Variants in SMCHD1 observed in about 807,000 individuals in gnomAD.
SMCHD1 encodes structural maintenance of chromosomes flexible hinge domain-containing protein 1.
A neutral mutation model predicts 254.7 loss-of-function variants in SMCHD1; 78 were observed. The ratio of observed to expected loss-of-function variants is 0.31; its 90% CI spans 0.26 to 0.37. The LOEUF (loss-of-function observed/expected upper bound fraction) is 0.37, where lower values mean the gene tolerates loss of function less well. Ranked by LOEUF, SMCHD1 falls within the 10% of genes least tolerant of loss-of-function variation. The pLI is 1.00. For missense variants in SMCHD1, 1,840 were observed against 2,408.1 expected, an observed-to-expected ratio of 0.76 and a Z score of 4.94; for synonymous variants, 766 against 794.9, an observed-to-expected ratio of 0.96 and a Z score of 0.61.
intron 29 of SMCHD1, among the ~76,000 whole-genome samples, chr18:2,745,821 A>G (rs1355289190): frequency 1.3e-5 from 2 of 152,210 alleles, no homozygotes; most frequent in Admixed American, 6.5e-5. Context: ...ATAAACTAAT[A>G]TATCAGTCTC....
At chr18:2,759,569 C>T (rs372671682) in intron 34 of SMCHD1, among the ~76,000 whole-genome samples, 7 of 36,988 alleles carry the variant, frequency 1.9e-4, no homozygotes, top group South Asian at 7.9e-4. Flanking sequence ...TTTTAATTCT[C>T]TCTTTTTTTT....
intron 44 of SMCHD1, among the ~76,000 whole-genome samples, chr18:2,779,476 G>A (rs1250652166): frequency 2.6e-5 from 4 of 152,178 alleles, no homozygotes; most frequent in Non-Finnish European, 4.4e-5. Flanking sequence ...TCTTTCAGAG[G>A]TCTTAACAAA....
chr18:2,727,107 A>C (rs1178604246), intron 22 of SMCHD1: 1 of 152,470 alleles, frequency 6.6e-6, no homozygotes, highest in African/African-American at 2.4e-5. Context: ...AGGAGGATTA[A>C]ATGAGTTACT....
In SMCHD1 at chr18:2,697,173, C is replaced by T. The variant is rs542332058; in HGVS notation, c.1131+51C>T. The T allele has an allele frequency of 6.3e-5, 60 of 945,588 alleles. No individual in the cohort carries two copies. In the South Asian group the frequency reaches 9.5e-4, roughly 15 times the overall value. The allele number at this position is 945,588 out of a possible 1,614,324, so 58.6% of individuals were successfully genotyped here. A position where few individuals can be genotyped will look rare whatever the true frequency, so the allele number is the denominator to read the frequency against. On this transcript the variant is annotated intron_variant, in intron 9 of 47. Transcript: ENST00000320876. The stretch of plus-strand genomic sequence containing the variant: ...AATAAAAATTATGAGATATTTGTTC[C>T]AGTTCCAAATGACTCAGGATAATAA...
At chr18:2,739,278 TAGC>T (rs2075305192) in intron 26 of SMCHD1, among the ~76,000 whole-genome samples, 151 bp from the exon 27 acceptor site, 1 of 152,354 alleles carries the variant, frequency 6.6e-6, no homozygotes, top group Non-Finnish European at 1.5e-5. Flanking sequence ...TTTGGATTAA[TAGC>T]AGATTATATA....
chr18:2,731,091 G>A (rs2075129482), intron 24 of SMCHD1, among the ~76,000 whole-genome samples: 1 of 152,144 alleles, frequency 6.6e-6, no homozygotes, highest in Non-Finnish European at 1.5e-5. Context: ...GTTATCCAAT[G>A]GCAATAACTG....
At chr18:2,767,727 C>A (rs577907733) in intron 37 of SMCHD1, among the ~76,000 whole-genome samples, 1 of 151,218 alleles carries the variant, frequency 6.6e-6, no homozygotes, top group Non-Finnish European at 1.5e-5. Context: ...GTAGCTGGGA[C>A]TACAGGCGCG....
chr18:2,699,486 C>T (rs1166313790), intron 10 of SMCHD1, among the ~76,000 whole-genome samples: 1 of 152,096 alleles, frequency 6.6e-6, no homozygotes, highest in Non-Finnish European at 1.5e-5. Flanking sequence ...ACTACAGGTG[C>T]CCACCACCAT....
At chr18:2,698,878 A>G (rs776643381) in intron 10 of SMCHD1, among the ~76,000 whole-genome samples, 1 of 152,016 alleles carries the variant, frequency 6.6e-6, no homozygotes, top group Non-Finnish European at 1.5e-5. Context: ...GAGTAATGAT[A>G]CTGTCTTGTA....
intron 47 of SMCHD1, among the ~76,000 whole-genome samples, chr18:2,802,021 G>C (rs920464022): frequency 3.3e-5 from 5 of 152,016 alleles, no homozygotes; most frequent in African/African-American, 9.7e-5. Flanking sequence ...TTTGGAGATA[G>C]TTCAGGGAAC....
intron 39 of SMCHD1, among the ~76,000 whole-genome samples, chr18:2,771,311 C>T (rs2075980076): frequency 6.6e-6 from 1 of 152,148 alleles, no homozygotes; most frequent in African/African-American, 2.4e-5. Flanking sequence ...TATATCATAT[C>T]TCCCTTTAGT....
intron 19 of SMCHD1, among the ~76,000 whole-genome samples, chr18:2,721,499 A>C (rs1292913394): frequency 6.6e-6 from 1 of 152,040 alleles, no homozygotes; most frequent in Non-Finnish European, 1.5e-5. Flanking sequence ...TTTCCTGTTG[A>C]TGAATCGTGT....
chr18:2,732,223 G>T, intron 24 of SMCHD1, 42 bp from the exon 25 acceptor site: 1 of 1,490,974 alleles, frequency 6.7e-7, no homozygotes, highest in Non-Finnish European at 9.3e-7. Flanking sequence ...TAAAATTTCA[G>T]TACAGATATC....
chr18:2,742,348 C>G (rs968799935), intron 28 of SMCHD1, among the ~76,000 whole-genome samples: 9 of 152,136 alleles, frequency 5.9e-5, no homozygotes, highest in African/African-American at 9.7e-5. Flanking sequence ...TTTGTAAATG[C>G]AATTTCATTT....
At chr18:2,669,182 CA>C (rs1406312924) in intron 3 of SMCHD1, among the ~76,000 whole-genome samples, 5 of 151,790 alleles carry the variant, frequency 3.3e-5, no homozygotes, top group African/African-American at 1.2e-4. Flanking sequence ...CCCATCTTTA[CA>C]AAAAAATACA....
In SMCHD1 at chr18:2,749,983, AAG is replaced by A; in HGVS notation, c.3928-58_3928-57del. ...GGGAAAGAACATTGTAATGGAAGAA[AAG>A]AACTTGATTGATCTCTAGAATTTTC... On this transcript the variant is annotated intron_variant, in intron 30 of 47. Transcript: ENST00000320876. 5 of 1,404,620 alleles carry A rather than the reference AAG, an allele frequency of 3.6e-6. No individual in the cohort carries two copies. In the Middle Eastern group the frequency reaches 9.0e-4, roughly 254 times the overall value. 87.0% of individuals were successfully genotyped at this position (1,404,620 alleles called of 1,614,324 possible).
intron 14 of SMCHD1, 41 bp downstream of exon 14, chr18:2,705,848 T>C: frequency 8.2e-7 from 1 of 1,220,406 alleles, no homozygotes; most frequent in South Asian, 1.3e-5. Context: ...AGTTTCTTGA[T>C]AACACTTTTG....
At chr18:2,745,491 T>G (rs2075436362) in intron 29 of SMCHD1, among the ~76,000 whole-genome samples, 1 of 152,248 alleles carries the variant, frequency 6.6e-6, no homozygotes, top group South Asian at 2.1e-4. Context: ...CAGTGTGCTT[T>G]ATAAAACACA....
In SMCHD1 at chr18:2,703,864, A is replaced by G; in HGVS notation, c.1820A>G (p.Lys607Arg). 6.2e-7 allele frequency: 1 copy of G among 1,606,104 alleles called. No homozygotes were observed. Among genetic ancestry groups the G allele is most frequent in the Non-Finnish European group, 8.5e-7 (1 of 1,177,216 alleles). The change falls in exon 13 of 48, where the codon AAG becomes AGG. Residue 607 changes from lysine to arginine, a missense_variant. Around this residue, in one of 9 missense-constraint regions of SMCHD1, gnomAD observed 498 missense variants for 743.5 expected, o/e 0.67. Transcript: ENST00000320876. ...TATGCAGCAATAGAATGGGATGGAAAGATATACAAAGCAGGACAGCTGGTA... is the reference window on the plus strand; with the variant it reads ...TATGCAGCAATAGAATGGGATGGAAGGATATACAAAGCAGGACAGCTGGTA... Reference protein sequence around the residue: ...ATYAAIEWDGKIYKAGQLVKT... With the variant: ...ATYAAIEWDGRIYKAGQLVKT...
Sources: allele counts gnomAD v4.1 joint callset (sites outside exome capture counted in the v4.1 genomes callset), GRCh38; gene constraint gnomAD v4.1.1; regional missense constraint gnomAD v4.1.1; transcripts MANE v1.5; gene names NCBI Gene and HGNC (gene_info 2026-07-23, HGNC 2026-07-21).